AKR1C3: variants seen among roughly 807,000 people sequenced by gnomAD.
AKR1C3 encodes aldo-keto reductase family 1 member C3.
In AKR1C3, 48 loss-of-function variants were observed where a neutral mutation model predicts 43.6. That is an observed-to-expected ratio of 1.10 (90% confidence interval 0.87 to 1.40). The LOEUF (loss-of-function observed/expected upper bound fraction) is 1.40, where lower values mean the gene tolerates loss of function less well. Ranked by LOEUF, AKR1C3 falls within the 40% of genes most tolerant of loss-of-function variation. The pLI, the probability that AKR1C3 is intolerant of heterozygous loss-of-function variation, is 0.00. For missense variants in AKR1C3, 482 were observed against 391.2 expected, an observed-to-expected ratio of 1.23 and a Z score of -1.96; for synonymous variants, 162 against 139.6, an observed-to-expected ratio of 1.16 and a Z score of -1.13.
chr10:5,060,233 G>A (rs1020063535), intron 1 of AKR1C3, among the ~76,000 whole-genome samples: 11 of 152,172 alleles, frequency 7.2e-5, no homozygotes, highest in Admixed American at 6.5e-4. Context: ...CCACAGTGTG[G>A]AAGGGGACCC....
chr10:5,097,396 A>G, intron 2 of AKR1C3, 38 bp from the exon 3 acceptor site: 1 of 1,605,788 alleles, frequency 6.2e-7, no homozygotes, highest in Non-Finnish European at 8.5e-7. Context: ...TTGCTCAAGC[A>G]TTCATTCAAA....
chr10:5,056,645 G>A (rs959536700), intron 1 of AKR1C3, among the ~76,000 whole-genome samples: 7 of 152,088 alleles, frequency 4.6e-5, no homozygotes, highest in Admixed American at 6.5e-5. Flanking sequence ...GGCATTTTTC[G>A]CCCTTCCAAA....
Position 5,097,660 on chromosome 10 carries a change from C to G in AKR1C3, c.369+110C>G, listed in dbSNP as rs550984088. ...TTAGGAGGATGTAGGGATTATCACA[C>G]AGAAGAAGAACCGTAAGTGGAACAC... On this transcript the variant is annotated intron_variant, in intron 3 of 8. Coordinates refer to ENST00000380554, the MANE Select transcript of AKR1C3 (RefSeq NM_003739.6). 38 of 1,585,696 alleles carry G rather than the reference C, an allele frequency of 2.4e-5. No individual in the cohort carries two copies. In the South Asian group the frequency reaches 3.8e-4, roughly 16 times the overall value.
At chr10:5,081,855 C>T (rs1554782384) in intron 1 of AKR1C3, 1 of 152,078 alleles carries the variant, frequency 6.6e-6, no homozygotes, top group African/African-American at 2.4e-5. Context: ...AGCCCTCAGC[C>T]CCATGGGGAA....
At chr10:5,058,979 T>C (rs547194541) in intron 1 of AKR1C3, among the ~76,000 whole-genome samples, 40 of 152,210 alleles carry the variant, frequency 2.6e-4, no homozygotes, top group Middle Eastern at 3.2e-3. Flanking sequence ...GTGAAGGACC[T>C]TACCCTGACG....
Position 5,102,089 on chromosome 10 carries a change from G to A in AKR1C3, c.571-12G>A, listed in dbSNP as rs371449180. On this transcript the variant is annotated splice_polypyrimidine_tract_variant and intron_variant, in intron 5 of 8. Transcript: ENST00000380554. ...ATATAAATTGATGCTTCTCTCTTTT[G>A]GTCAACTGCAGGTAGAATGTCATCC... 4 of 1,527,774 alleles carry A rather than the reference G, an allele frequency of 2.6e-6. No homozygotes were observed. Among genetic ancestry groups the A allele is most frequent in the Admixed American group, 3.4e-5 (2 of 58,012 alleles). The allele number at this position is 1,527,774 out of a possible 1,614,324, so 94.6% of individuals were successfully genotyped here.
chr10:5,106,431 C>T (rs77941994), intron 8 of AKR1C3, among the ~76,000 whole-genome samples: 4,585 of 152,206 alleles, frequency 0.03, 225 homozygotes, highest in African/African-American at 0.11. Flanking sequence ...GATTCATAGA[C>T]GGTCATTCAT....
intron 1 of AKR1C3, among the ~76,000 whole-genome samples, chr10:5,059,779 C>T (rs1838342236): frequency 6.6e-6 from 1 of 151,866 alleles, no homozygotes; most frequent in Non-Finnish European, 1.5e-5. Context: ...AGCTGATGGT[C>T]TCACCCCTCG....
chr10:5,063,165 G>A (rs1838417864), intron 1 of AKR1C3, among the ~76,000 whole-genome samples: 1 of 147,540 alleles, frequency 6.8e-6, no homozygotes, highest in South Asian at 2.1e-4. Flanking sequence ...TTTAAAATAT[G>A]AATTTATACA....
At chr10:5,099,495 C>T (rs782430591) in intron 5 of AKR1C3, 46 bp downstream of exon 5, 3 of 1,612,618 alleles carry the variant, frequency 1.9e-6, no homozygotes, top group South Asian at 1.1e-5. Flanking sequence ...CATGCCCCCT[C>T]TTCCTGTCCT....
chr10:5,088,956 A>T (rs931425947), intron 1 of AKR1C3, among the ~76,000 whole-genome samples: 20 of 151,960 alleles, frequency 1.3e-4, no homozygotes, highest in African/African-American at 4.6e-4. Flanking sequence ...TATATTTAAG[A>T]TTCCTCTGAG....
In AKR1C3 at chr10:5,097,819, C is replaced by T. The variant is rs1400963341; in HGVS notation, c.369+269C>T. 6 of 1,188,948 alleles carry T rather than the reference C, an allele frequency of 5.0e-6. No individual in the cohort carries two copies. In the South Asian group the frequency reaches 9.0e-5, roughly 18 times the overall value. 73.6% of individuals were successfully genotyped at this position (1,188,948 alleles called of 1,614,324 possible). On this transcript the variant is annotated intron_variant, in intron 3 of 8. Coordinates refer to ENST00000380554, the MANE Select transcript of AKR1C3 (RefSeq NM_003739.6). ...ACAATAGTCTCTTTCAAGGCACTGTCTTAGTTGTGGCTTTTGAGTCCATCT... is the reference window on the plus strand; with the variant it reads ...ACAATAGTCTCTTTCAAGGCACTGTTTTAGTTGTGGCTTTTGAGTCCATCT...
intron 1 of AKR1C3, chr10:5,096,187 C>T: frequency 2.2e-6 from 1 of 460,284 alleles, no homozygotes; most frequent in South Asian, 4.0e-5. Flanking sequence ...TATTTGGTAC[C>T]TCCATAACAG....
intron 3 of AKR1C3, among the ~76,000 whole-genome samples, 179 bp from the exon 4 acceptor site, chr10:5,098,623 C>T (rs1839271649): frequency 6.6e-6 from 1 of 152,186 alleles, no homozygotes; most frequent in Admixed American, 6.5e-5. Flanking sequence ...TTAGAGGAAG[C>T]CTGTCTCCTG....
In AKR1C3 at chr10:5,097,532, T is replaced by G. The variant is rs1554785343; in HGVS notation, c.351T>G (p.His117Gln). The G allele has an allele frequency of 1.2e-6, 2 of 1,613,646 alleles. No individual in the cohort carries two copies. The highest frequency in any genetic ancestry group is 3.3e-5 in the Admixed American group (2 of 60,004). ...ACTATGTTGACCTCTATCTTATTCA[T>G]TCTCCAATGTCTCTAAAGGTATGCA... is the stretch of plus-strand genomic sequence containing the variant. ...QLDYVDLYLIHSPMSLKPGEE... is the reference protein window; with the variant it reads ...QLDYVDLYLIQSPMSLKPGEE... Residue 117 changes from histidine to glutamine, a missense_variant, in exon 3 of 9, where the codon CAT becomes CAG. Transcript: ENST00000380554.
rs782190855 is a variant in AKR1C3, at chr10:5,096,519, T to G, written c.194T>G (p.Ile65Ser). The G allele has an allele frequency of 6.2e-7, 1 of 1,613,882 alleles. No homozygotes were observed. The highest frequency in any genetic ancestry group is 2.2e-5 in the East Asian group (1 of 44,872). ...YNNEEQVGLA[I>S]RSKIADGSVK... ...AATGAGGAGCAGGTTGGACTGGCCA[T>G]CCGAAGCAAGATTGCAGATGGCAGT... The change falls in exon 2 of 9, where the codon ATC becomes AGC. Residue 65 changes from isoleucine to serine, a missense_variant. Coordinates refer to ENST00000380554, the MANE Select transcript of AKR1C3 (RefSeq NM_003739.6).
At chr10:5,089,113 G>A (rs12354530) in intron 1 of AKR1C3, among the ~76,000 whole-genome samples, 40,988 of 151,810 alleles carry the variant, frequency 0.27, 6,544 homozygotes, top group Non-Finnish European at 0.36. Flanking sequence ...TGTTAAATCT[G>A]TTTAGTATAA....
Position 5,105,580 on chromosome 10 carries a change from TTTTA to T in AKR1C3, c.847-11_847-8del, listed in dbSNP as rs782034979. 1.2e-6 allele frequency: 2 copies of T among 1,606,652 alleles called. No homozygotes were observed. Among genetic ancestry groups the T allele is most frequent in the African/African-American group, 2.7e-5 (2 of 74,806 alleles). The stretch of plus-strand genomic sequence containing the variant: ...TGGCAATCTAAAAATAATAAAAGTT[TTTTA>T]TTTCTGATAGGTTTTTGAGTTCCAG... On this transcript the variant is annotated splice_polypyrimidine_tract_variant and intron_variant, in intron 7 of 8. Transcript: ENST00000380554.
chr10:5,100,747 G>A (rs529771291), intron 5 of AKR1C3, among the ~76,000 whole-genome samples: 1 of 152,236 alleles, frequency 6.6e-6, no homozygotes, highest in African/African-American at 2.4e-5. Context: ...TTAAGAAAAT[G>A]CAGTTTTAAT....
Sources: gnomAD v4.1 joint callset for allele counts (sites outside exome capture counted in the v4.1 genomes callset) on GRCh38, gnomAD v4.1.1 for gene constraint, MANE v1.5 for transcripts, NCBI Gene and HGNC (gene_info 2026-07-23, HGNC 2026-07-21) for gene names.